The following ARB2A variants were observed in gnomAD, a reference collection of about 807,000 sequenced individuals.
The protein encoded by ARB2A is ARB2 cotranscriptional regulator A, also known as cotranscriptional regulator ARB2A.
the ARB2A span, among the ~76,000 whole-genome samples, chr5:94,057,482 A>G: frequency 4.5e-3 from 684 of 152,294 alleles, 5 homozygotes; most frequent in African/African-American, 0.015. Context: ...CTGCACAACA[A>G]TGTAAATGTA....
At chr5:93,823,956 T>C in the ARB2A span, among the ~76,000 whole-genome samples, 1 of 151,690 alleles carries the variant, frequency 6.6e-6, no homozygotes, top group African/African-American at 2.4e-5. Flanking sequence ...TCTCAAAAAA[T>C]AATAATAATA....
the ARB2A span, among the ~76,000 whole-genome samples, chr5:93,853,091 A>G: frequency 6.6e-6 from 1 of 152,174 alleles, no homozygotes; most frequent in Non-Finnish European, 1.5e-5. Flanking sequence ...ACCCATGAGC[A>G]TGGAATGTTC....
chr5:93,898,188 C>G, the ARB2A span, among the ~76,000 whole-genome samples: 3 of 151,976 alleles, frequency 2.0e-5, no homozygotes, highest in African/African-American at 7.2e-5. Context: ...TATATTCTTT[C>G]AACTGAAGTA....
chr5:93,884,449 T>G, the ARB2A span, among the ~76,000 whole-genome samples: 9 of 151,612 alleles, frequency 5.9e-5, no homozygotes, highest in African/African-American at 2.2e-4. Context: ...ACATGACTCA[T>G]CTGTTCAATA....
chr5:93,754,733 C>T, the ARB2A span, among the ~76,000 whole-genome samples: 1 of 152,214 alleles, frequency 6.6e-6, no homozygotes, highest in Non-Finnish European at 1.5e-5. Flanking sequence ...GGGAGCAGCA[C>T]ATCACAGAAG....
chr5:93,829,743 A>G, the ARB2A span, among the ~76,000 whole-genome samples: 3 of 152,302 alleles, frequency 2.0e-5, no homozygotes, highest in South Asian at 6.2e-4. Context: ...AATGAATAAA[A>G]CAGTTGGAAG....
At chr5:93,676,897 GCAGTATGGGTTCT>G in the ARB2A span, among the ~76,000 whole-genome samples, 328 of 152,254 alleles carry the variant, frequency 2.2e-3, 1 homozygote, top group African/African-American at 7.6e-3. Context: ...GGAAATGAAA[GCAGTATGGGTTCT>G]CAATTTCCCA....
the ARB2A span, among the ~76,000 whole-genome samples, chr5:93,798,398 T>C: frequency 1.3e-5 from 2 of 152,170 alleles, no homozygotes; most frequent in African/African-American, 4.8e-5. Flanking sequence ...TAGAAGGTAA[T>C]TGATGCCACT....
the ARB2A span, among the ~76,000 whole-genome samples, chr5:93,670,538 C>G: frequency 6.6e-6 from 1 of 152,120 alleles, no homozygotes; most frequent in Non-Finnish European, 1.5e-5. Flanking sequence ...TAACTCAGGG[C>G]CATGTACCAT....
chr5:93,686,322 T>A, the ARB2A span, among the ~76,000 whole-genome samples: 1 of 152,190 alleles, frequency 6.6e-6, no homozygotes, highest in African/African-American at 2.4e-5. Context: ...TTCCCATGAA[T>A]AACCTATCCA....
the ARB2A span, among the ~76,000 whole-genome samples, chr5:93,649,381 TCTGCACTGAGTGGCC>T: frequency 6.6e-6 from 1 of 152,028 alleles, no homozygotes; most frequent in African/African-American, 2.4e-5. Context: ...AAAGAAGAGC[TCTGCACTGAGTGGCC>T]CTTCAGCTGA....
chr5:93,828,927 C>T, the ARB2A span, among the ~76,000 whole-genome samples: 1 of 152,106 alleles, frequency 6.6e-6, no homozygotes, highest in South Asian at 2.1e-4. Context: ...CAGGTGCATG[C>T]CACCACACCT....
chr5:93,675,428 T>C, the ARB2A span, among the ~76,000 whole-genome samples: 1 of 152,214 alleles, frequency 6.6e-6, no homozygotes, highest in Admixed American at 6.5e-5. Flanking sequence ...ACAGCAGTAC[T>C]AGATTTATAC....
chr5:93,922,648 G>A, the ARB2A span, among the ~76,000 whole-genome samples: 5 of 93,092 alleles, frequency 5.4e-5, no homozygotes, highest in East Asian at 1.2e-3. Context: ...GAAAGGGAGG[G>A]AGGGAGGGAG....
chr5:93,898,361 T>A, the ARB2A span, among the ~76,000 whole-genome samples: 2 of 152,004 alleles, frequency 1.3e-5, no homozygotes, highest in Admixed American at 6.6e-5. Flanking sequence ...CCATTACCCA[T>A]AGCACAAGTG....
chr5:93,946,613 C>A, the ARB2A span, among the ~76,000 whole-genome samples: 3 of 151,932 alleles, frequency 2.0e-5, no homozygotes, highest in African/African-American at 7.3e-5. Context: ...AAAGACAGAA[C>A]TATAATTTTA....
At chr5:94,064,722 G>A in the ARB2A span, among the ~76,000 whole-genome samples, 2 of 152,178 alleles carry the variant, frequency 1.3e-5, no homozygotes, top group African/African-American at 4.8e-5. Flanking sequence ...GCCAGCCAAG[G>A]ATGCTATATC....
the ARB2A span, among the ~76,000 whole-genome samples, chr5:93,722,919 A>G: frequency 6.6e-6 from 1 of 152,188 alleles, no homozygotes; most frequent in African/African-American, 2.4e-5. Context: ...CTCTTACAAT[A>G]CATGTTAAAT....
At chr5:93,810,409 G>A in the ARB2A span, among the ~76,000 whole-genome samples, 1 of 151,932 alleles carries the variant, frequency 6.6e-6, no homozygotes, top group Non-Finnish European at 1.5e-5. Context: ...GTTTGGTTTT[G>A]TTTTGCTTTT....
Sources: gnomAD v4.1 joint callset for allele counts (sites outside exome capture counted in the v4.1 genomes callset) on GRCh38, gnomAD v4.1.1 for gene constraint, MANE v1.5 for transcripts, NCBI Gene and HGNC (gene_info 2026-07-23, HGNC 2026-07-21) for gene names.